FAXDC2: variants seen among roughly 807,000 people sequenced by gnomAD.
FAXDC2 encodes the protein fatty acid hydroxylase domain-containing protein 2.
Under a neutral mutation model 40.9 loss-of-function variants are expected in FAXDC2, and 41 were observed. The observed-to-expected ratio is 1.00, with a 90% CI of 0.78 to 1.30. The LOEUF (loss-of-function observed/expected upper bound fraction) is 1.30, where lower values mean the gene tolerates loss of function less well. Among genes scored for constraint, FAXDC2 ranks in the 50% most tolerant of loss-of-function variants. The pLI is 0.00. For missense variants in FAXDC2, 390 were observed against 408.8 expected (o/e 0.95, Z 0.40); for synonymous variants, 157 against 149.3 (o/e 1.05, Z -0.38).
intron 1 of FAXDC2, among the ~76,000 whole-genome samples, chr5:154,846,493 A>G (rs1449883949): frequency 6.6e-6 from 1 of 152,178 alleles, no homozygotes; most frequent in Middle Eastern, 3.2e-3. Flanking sequence ...TTAGAATGGA[A>G]TGCATTCAGA....
intron 4 of FAXDC2, among the ~76,000 whole-genome samples, chr5:154,833,714 G>A (rs929603472): frequency 2.0e-5 from 3 of 150,754 alleles, no homozygotes; most frequent in Admixed American, 6.6e-5. Flanking sequence ...CTGTCGCCCA[G>A]CTGGAGTGCA....
chr5:154,830,678 C>T, intron 5 of FAXDC2, 123 bp downstream of exon 5: 1 of 1,110,104 alleles, frequency 9.0e-7, no homozygotes. Flanking sequence ...ACTGGGGGAG[C>T]CTTGTTGCTA....
chr5:154,841,081 A>G (rs570746131), intron 1 of FAXDC2, among the ~76,000 whole-genome samples: 1 of 152,248 alleles, frequency 6.6e-6, no homozygotes, highest in African/African-American at 2.4e-5. Flanking sequence ...ACACTGTCTG[A>G]CTTGAGAGCA....
chr5:154,834,541 C>A lies in FAXDC2; in HGVS notation c.244+84G>T. ...CCTTGGAATAATAAACTGAAAAGTCCCAAAGTAGAGAACAAAACAACAAAA... is the reference window on the plus strand; with the variant it reads ...CCTTGGAATAATAAACTGAAAAGTCACAAAGTAGAGAACAAAACAACAAAA... On this transcript the variant is annotated intron_variant, in intron 4 of 8. Transcript: ENST00000326080. 2.9e-6 allele frequency: 3 copies of A among 1,038,556 alleles called. No homozygotes were observed. The Admixed American group carries it at 6.7e-5, about 23-fold the overall frequency. 64.3% of individuals were successfully genotyped at this position (1,038,556 alleles called of 1,614,324 possible).
chr5:154,824,717 T>A (rs1370936953), intron 5 of FAXDC2: 1 of 588,812 alleles, frequency 1.7e-6, no homozygotes, highest in Admixed American at 2.9e-5. Context: ...AAATAAAGCA[T>A]GAGCAAAACA....
intron 1 of FAXDC2, among the ~76,000 whole-genome samples, chr5:154,844,373 C>T (rs955716373): frequency 4.0e-5 from 6 of 150,192 alleles, no homozygotes; most frequent in African/African-American, 1.5e-4. Context: ...CAGAGCAAGA[C>T]CCTGCCTCCA....
intron 1 of FAXDC2, among the ~76,000 whole-genome samples, chr5:154,841,853 G>A (rs764848783): frequency 4.6e-5 from 7 of 150,950 alleles, no homozygotes; most frequent in African/African-American, 1.5e-4. Flanking sequence ...ATCCTGCCTC[G>A]GTCTCCCAAG....
chr5:154,832,255 C>T (rs1199541974), intron 4 of FAXDC2, among the ~76,000 whole-genome samples: 1 of 151,276 alleles, frequency 6.6e-6, no homozygotes, highest in Non-Finnish European at 1.5e-5. Flanking sequence ...GCTCTGTCAC[C>T]CAGGCTGGAG....
chr5:154,841,115 G>A (rs550033611), intron 1 of FAXDC2, among the ~76,000 whole-genome samples: 3 of 150,988 alleles, frequency 2.0e-5, no homozygotes, highest in East Asian at 1.9e-4. Context: ...TTGGTGTGGC[G>A]TAGGCCTAAC....
At chr5:154,836,872 G>A (rs750121287) in intron 2 of FAXDC2, among the ~76,000 whole-genome samples, 1 of 151,992 alleles carries the variant, frequency 6.6e-6, no homozygotes, top group Non-Finnish European at 1.5e-5. Context: ...ATGGGGTTTC[G>A]CCATGTTGGC....
chr5:154,819,698 T>C lies in FAXDC2; in HGVS notation c.*618A>G, dbSNP rs1044320. The C allele has an allele frequency of 6.6e-6, 1 of 152,510 alleles. No individual in the cohort carries two copies. The highest frequency in any genetic ancestry group is 1.5e-5 in the Non-Finnish European group (1 of 68,070). The allele number at this position is 152,510 out of a possible 1,614,324, so 9.4% of individuals were successfully genotyped here. On this transcript the variant is annotated 3_prime_UTR_variant, in exon 9 of 9. Transcript: ENST00000326080. ...CCTTTTGTTTGCGGTGGGCCAGAGT[T>C]AAAACGGGGCCTTTACCACTCACTC...
intron 4 of FAXDC2, among the ~76,000 whole-genome samples, chr5:154,832,242 C>T (rs1760211576): frequency 6.9e-6 from 1 of 145,824 alleles, no homozygotes; most frequent in South Asian, 2.2e-4. Context: ...GAGACAGAGT[C>T]TTGCTCTGTC....
At position 154,822,408 on chromosome 5, in the gene FAXDC2, G is replaced by A; in HGVS notation, c.678+64C>T. On this transcript the variant is annotated intron_variant, in intron 7 of 8. Coordinates refer to ENST00000326080, the MANE Select transcript of FAXDC2 (RefSeq NM_032385.5). ...GGTGTGGTCTAAGTTCTCTGCAGGAGACCTTCAGGAAGGTGGTTGGGGCCA... is the reference window on the plus strand; with the variant it reads ...GGTGTGGTCTAAGTTCTCTGCAGGAAACCTTCAGGAAGGTGGTTGGGGCCA... The A allele has an allele frequency of 2.7e-6, 3 of 1,105,356 alleles. No homozygotes were observed. The South Asian group carries it at 3.8e-5, about 14-fold the overall frequency. The allele number at this position is 1,105,356 out of a possible 1,614,324, so 68.5% of individuals were successfully genotyped here.
At position 154,834,616 on chromosome 5, in the gene FAXDC2, G is replaced by A. The variant is rs370498557; in HGVS notation, c.244+9C>T. 3.3e-5 allele frequency: 53 copies of A among 1,587,774 alleles called. 1 individual carries two copies. In the South Asian group the frequency reaches 4.9e-4, roughly 15 times the overall value. ...CACATGCTAGGTGCTGGTGGTCTGG[G>A]AACCTCACCTATAAAGAAGAGGATC... On this transcript the variant is annotated intron_variant, in intron 4 of 8. Coordinates refer to ENST00000326080, the MANE Select transcript of FAXDC2 (RefSeq NM_032385.5).
At chr5:154,828,767 A>AATTATTTTAATTATTTT (rs1760109229) in intron 5 of FAXDC2, among the ~76,000 whole-genome samples, 1 of 151,146 alleles carries the variant, frequency 6.6e-6, no homozygotes, top group Non-Finnish European at 1.5e-5. Flanking sequence ...CGGCTAATTA[A>AATTATTTTAATTATTTT]AATAATTTTT....
chr5:154,840,282 C>A (rs1488708133), intron 1 of FAXDC2, among the ~76,000 whole-genome samples: 2 of 152,068 alleles, frequency 1.3e-5, no homozygotes, highest in Non-Finnish European at 2.9e-5. Context: ...AACGAGGAGA[C>A]GGGGGTCTTG....
intron 5 of FAXDC2, chr5:154,830,598 G>A: frequency 1.9e-6 from 1 of 517,492 alleles, no homozygotes; most frequent in Non-Finnish European, 3.5e-6. Context: ...CAGAACACTG[G>A]TCTTGACTGG....
At chr5:154,829,647 A>G (rs2560040) in intron 5 of FAXDC2, 8,347 of 154,488 alleles carry the variant, frequency 0.054, 250 homozygotes, top group Middle Eastern at 0.07. Context: ...AATATTCTGG[A>G]GAGCCAATTA....
At chr5:154,827,289 CAG>C (rs1416495284) in intron 5 of FAXDC2, among the ~76,000 whole-genome samples, 1 of 143,208 alleles carries the variant, frequency 7.0e-6, no homozygotes, top group Non-Finnish European at 1.5e-5. Flanking sequence ...GCCTGGGTGA[CAG>C]AGGGAGACTG....
Sources: gnomAD v4.1 joint callset for allele counts (sites outside exome capture counted in the v4.1 genomes callset) on GRCh38, gnomAD v4.1.1 for gene constraint, MANE v1.5 for transcripts, NCBI Gene and HGNC (gene_info 2026-07-23, HGNC 2026-07-21) for gene names.